The following NBAS variants were observed in gnomAD, a reference collection of about 807,000 sequenced individuals.
NBAS encodes the protein NAG/BC035112 fusion.
Under a neutral mutation model 302.5 loss-of-function variants are expected in NBAS, and 219 were observed. The ratio of observed to expected loss-of-function variants is 0.72; its 90% confidence interval spans 0.65 to 0.81. The LOEUF is 0.81. Ranked by LOEUF, NBAS falls within the 30% of genes least tolerant of loss-of-function variation. NBAS has a pLI of 0.00. For missense variants in NBAS, 2,932 were observed against 2,841.6 expected, an observed-to-expected ratio of 1.03 and a Z score of -0.72; for synonymous variants, 1,118 against 1,021.6, an observed-to-expected ratio of 1.09 and a Z score of -1.80.
the NBAS span, among the ~76,000 whole-genome samples, chr2:14,980,415 A>G: frequency 6.6e-6 from 1 of 152,204 alleles, no homozygotes; most frequent in Non-Finnish European, 1.5e-5. Flanking sequence ...ATTACCCCAG[A>G]CATCTTGCCT....
chr2:15,364,949 C>A (rs909948882), intron 32 of NBAS, among the ~76,000 whole-genome samples: 2 of 152,156 alleles, frequency 1.3e-5, no homozygotes, highest in African/African-American at 4.8e-5. Context: ...ATAACCAAAA[C>A]ACTCTATAAG....
intron 9 of NBAS, among the ~76,000 whole-genome samples, chr2:15,532,488 C>CAAAAAAAAAAAAAAAAAAAAAAATAAA (rs896529713): frequency 2.1e-5 from 1 of 47,812 alleles, no homozygotes; most frequent in Non-Finnish European, 5.5e-5. Flanking sequence ...GACTCCATCT[C>CAAAAAAAAAAAAAAAAAAAAAAATAAA]AAAAAAAAAA....
intron 12 of NBAS, among the ~76,000 whole-genome samples, chr2:15,480,065 G>C (rs1171426124): frequency 2.0e-5 from 3 of 152,184 alleles, no homozygotes; most frequent in Admixed American, 6.5e-5. Flanking sequence ...TTGGGGCCAG[G>C]CATGGTGGCT....
At chr2:15,415,746 C>A (rs1172877149) in intron 24 of NBAS, 27 bp from the exon 25 acceptor site, 1 of 1,613,178 alleles carries the variant, frequency 6.2e-7, no homozygotes, top group Non-Finnish European at 8.5e-7. Flanking sequence ...GCAAAACAGA[C>A]AAACAAGAAT....
chr2:14,872,993 T>G, the NBAS span, among the ~76,000 whole-genome samples: 1 of 152,156 alleles, frequency 6.6e-6, no homozygotes, highest in Admixed American at 6.5e-5. Flanking sequence ...AGCAGTAAGA[T>G]TTATTGCTAA....
At chr2:15,538,282 A>C (rs1167720264) in intron 7 of NBAS, 1 of 394,420 alleles carries the variant, frequency 2.5e-6, no homozygotes, top group Non-Finnish European at 5.1e-6. Flanking sequence ...AGCCAGAAAT[A>C]GTCTAGAAAA....
At chr2:15,514,359 T>A (rs2111451) in intron 9 of NBAS, among the ~76,000 whole-genome samples, 1 of 151,970 alleles carries the variant, frequency 6.6e-6, no homozygotes, top group Admixed American at 6.5e-5. Context: ...TCTGAATAAA[T>A]AGAAATATAA....
intron 35 of NBAS, among the ~76,000 whole-genome samples, chr2:15,345,181 T>G (rs1673033393): frequency 6.6e-6 from 1 of 152,030 alleles, no homozygotes; most frequent in Non-Finnish European, 1.5e-5. Flanking sequence ...GAGAAAGAAA[T>G]AAAGGGTATT....
chr2:15,141,103 G>GA, the NBAS span, among the ~76,000 whole-genome samples: 1 of 152,006 alleles, frequency 6.6e-6, no homozygotes, highest in African/African-American at 2.4e-5. Flanking sequence ...GATTTTTTAG[G>GA]AAAAATCCAG....
At chr2:15,507,718 T>C (rs1355954516) in intron 10 of NBAS, among the ~76,000 whole-genome samples, 7 of 152,238 alleles carry the variant, frequency 4.6e-5, no homozygotes, top group African/African-American at 1.2e-4. Context: ...ATTTGAGACA[T>C]AGCTGTTCTT....
At chr2:15,397,666 G>A (rs181185154) in intron 26 of NBAS, 9 of 543,018 alleles carry the variant, frequency 1.7e-5, no homozygotes, top group Admixed American at 8.5e-5. Context: ...TTCAAATGAC[G>A]AATTTCTTAA....
chr2:15,237,320 A>G (rs1667639714), intron 45 of NBAS, among the ~76,000 whole-genome samples: 1 of 152,098 alleles, frequency 6.6e-6, no homozygotes, highest in African/African-American at 2.4e-5. Context: ...TTCAAACCTC[A>G]TCACAGGTAG....
intron 22 of NBAS, among the ~76,000 whole-genome samples, chr2:15,426,905 C>A (rs1473160821): frequency 6.6e-6 from 1 of 152,110 alleles, no homozygotes; most frequent in Non-Finnish European, 1.5e-5. Context: ...CTAGAAACCT[C>A]TTTTCAGAGG....
the NBAS span, among the ~76,000 whole-genome samples, chr2:14,937,293 A>T: frequency 6.6e-6 from 1 of 152,224 alleles, no homozygotes; most frequent in Non-Finnish European, 1.5e-5. Context: ...CCATTTATGA[A>T]GCAGGTGTAC....
At chr2:14,822,643 T>C in the NBAS span, among the ~76,000 whole-genome samples, 13 of 152,312 alleles carry the variant, frequency 8.5e-5, 1 homozygote, top group South Asian at 2.7e-3. Flanking sequence ...AAATGACACT[T>C]GCTTATCTCC....
chr2:14,897,452 G>T, the NBAS span, among the ~76,000 whole-genome samples: 1 of 152,118 alleles, frequency 6.6e-6, no homozygotes, highest in Non-Finnish European at 1.5e-5. Context: ...CTTCTCAAAA[G>T]CTTCCCCTCT....
the NBAS span, among the ~76,000 whole-genome samples, chr2:15,009,693 CATATATATATATATAT>C: frequency 2.4e-5 from 3 of 126,548 alleles, no homozygotes; most frequent in South Asian, 2.8e-4. Flanking sequence ...TGTAGGAATG[CATATATATATATATAT>C]ATATATATAT....
chr2:15,528,924 C>T (rs538063545), intron 9 of NBAS, among the ~76,000 whole-genome samples: 1 of 75,584 alleles, frequency 1.3e-5, no homozygotes, highest in South Asian at 4.0e-4. Context: ...TACACACACA[C>T]ATATATATTT....
In NBAS at chr2:15,415,688, T is replaced by G; in HGVS notation, c.2795A>C (p.Tyr932Ser). Reference protein sequence around the residue: ...CSEDKYVTSAYQWMVPFLHRC... With the variant: ...CSEDKYVTSASQWMVPFLHRC... ...ATGAAGAAAGGGAACCATCCACTGG[T>G]AGGCACTTGTCACATATTTATCCTC... Residue 932 changes from tyrosine (Y) to serine (S), a missense_variant, in exon 25 of 52, where the codon TAC (tyrosine) becomes TCC (serine). Tyr to Ser is a moderately radical substitution (Grantham distance 144). Coordinates refer to ENST00000281513, the MANE Select transcript of NBAS (RefSeq NM_015909.4). 1 of 1,614,194 alleles carries G rather than the reference T, an allele frequency of 6.2e-7. No individual in the cohort carries two copies. Among genetic ancestry groups the G allele is most frequent in the Non-Finnish European group, 8.5e-7 (1 of 1,180,036 alleles).
Sources: allele counts gnomAD v4.1 joint callset (sites outside exome capture counted in the v4.1 genomes callset), GRCh38; gene constraint gnomAD v4.1.1; transcripts MANE v1.5; gene names NCBI Gene and HGNC (gene_info 2026-07-23, HGNC 2026-07-21).